RCN1: variants seen among roughly 807,000 people sequenced by gnomAD.
The protein encoded by RCN1 is reticulocalbin-1.
RCN1 carries 14 observed loss-of-function variants against 34.7 expected under a neutral mutation model. The ratio of observed to expected loss-of-function variants is 0.40; its 90% CI spans 0.27 to 0.63. The LOEUF is 0.63. Ranked by LOEUF, RCN1 falls within the 30% of genes least tolerant of loss-of-function variation. RCN1 has a pLI of 0.37. For synonymous variants in RCN1, 125 were observed against 165.5 expected (o/e 0.76, Z 1.88); for missense variants, 326 against 425.1 (o/e 0.77, Z 2.05).
At chr11:32,097,750 G>A (rs187630116) in intron 2 of RCN1, among the ~76,000 whole-genome samples, 2 of 152,162 alleles carry the variant, frequency 1.3e-5, no homozygotes, top group South Asian at 4.1e-4. Context: ...GAGCCTTGGA[G>A]AATGGATTTA....
At position 32,091,158 on chromosome 11, in the gene RCN1, G is replaced by C. The variant is rs1678474206; in HGVS notation, c.-39G>C. The C allele has an allele frequency of 2.9e-6, 4 of 1,388,916 alleles. No homozygotes were observed. The highest frequency in any genetic ancestry group is 2.7e-4 in the Middle Eastern group (1 of 3,732). The allele number at this position is 1,388,916 out of a possible 1,614,324, so 86.0% of individuals were successfully genotyped here. On this transcript the variant is annotated 5_prime_UTR_variant, in exon 1 of 6. Coordinates refer to ENST00000054950, the MANE Select transcript of RCN1 (RefSeq NM_002901.4). ...TCCCGAGCTGCCGCTGTTGTCGCTC[G>C]CTCAGCGTCTCCCTCTCGGCCGCCC...
At position 32,091,295 on chromosome 11, in the gene RCN1, G is replaced by A. The variant is rs762250805; in HGVS notation, c.99G>A (p.Val33=). The A allele has an allele frequency of 4.3e-5, 67 of 1,545,778 alleles. No individual in the cohort carries two copies. In the Middle Eastern group the frequency reaches 1.1e-3, roughly 26 times the overall value. Residue 33 remains valine, a synonymous_variant, in exon 1 of 6, where the codon GTG becomes GTA. Transcript: ENST00000054950. ...GGGTTCTGCGGGCCAAGCCCACGGT[G>A]CGCAAAGAGCGCGTGGTGCGGCCCG... ...APRVLRAKPT[V]RKERVVRPDS...
intron 3 of RCN1, 94 bp downstream of exon 3, chr11:32,098,622 GA>G: frequency 9.6e-7 from 1 of 1,037,378 alleles, no homozygotes; most frequent in Non-Finnish European, 1.4e-6. Flanking sequence ...TTTTCAGCCT[GA>G]AGGGAATTGG....
At chr11:32,100,876 C>A (rs1193163440) in intron 4 of RCN1, among the ~76,000 whole-genome samples, 2 of 152,116 alleles carry the variant, frequency 1.3e-5, no homozygotes, top group Non-Finnish European at 2.9e-5. Flanking sequence ...CTGAGAGGTG[C>A]CCTTCATCAC....
At chr11:32,102,154 G>T (rs537678991) in intron 4 of RCN1, 2 of 152,218 alleles carry the variant, frequency 1.3e-5, no homozygotes, top group South Asian at 4.2e-4. Flanking sequence ...TGTGGTGGGG[G>T]GTGGTAGTAG....
Position 32,100,623 on chromosome 11 carries a change from A to G in RCN1, c.688+15A>G. 2 of 1,610,268 alleles carry G rather than the reference A, an allele frequency of 1.2e-6. No individual in the cohort carries two copies. Among genetic ancestry groups the G allele is most frequent in the Non-Finnish European group, 1.7e-6 (2 of 1,176,684 alleles). ...TGAGTATATTGGTGAGTACTGACCT[A>G]GAGTCTTGCTCAGCTGTCCTGACTG... On this transcript the variant is annotated intron_variant, in intron 4 of 5. Coordinates refer to ENST00000054950, the MANE Select transcript of RCN1 (RefSeq NM_002901.4).
chr11:32,092,095 G>C (rs1216725828), intron 1 of RCN1, among the ~76,000 whole-genome samples: 2 of 151,892 alleles, frequency 1.3e-5, no homozygotes, highest in South Asian at 2.1e-4. Context: ...ATCACCTGAG[G>C]TCAGGAGTTC....
rs965013456 is a variant in RCN1, at chr11:32,092,115, C to T, written c.254+665C>T. Among the ~76,000 whole-genome samples, 30 of 151,844 alleles carry T rather than the reference C, an allele frequency of 2.0e-4. 1 individual carries two copies. The highest frequency in any genetic ancestry group is 1.8e-3 in the Admixed American group (27 of 15,256). ...CTGAGGTCAGGAGTTCGAGACCAGC[C>T]TGACCAAACGGCGAAATCCCGTCTC... On this transcript the variant is annotated intron_variant, in intron 1 of 5. Coordinates refer to ENST00000054950, the MANE Select transcript of RCN1 (RefSeq NM_002901.4).
chr11:32,103,195 C>T (rs924665166), intron 4 of RCN1, 86 bp from the exon 5 acceptor site: 1 of 1,231,026 alleles, frequency 8.1e-7, no homozygotes, highest in Non-Finnish European at 1.2e-6. Flanking sequence ...TTTCCTAAAG[C>T]TCAGGAGGTC....
Position 32,098,958 on chromosome 11 carries a change from C to A in RCN1, c.627+430C>A, listed in dbSNP as rs142596226. On this transcript the variant is annotated intron_variant, in intron 3 of 5. Transcript: ENST00000054950. ...GCCAGGGAATGACACATCCCCTTCA[C>A]GTATGTTCCACTGGTCCCTCCTAGA... Among the ~76,000 whole-genome samples the A allele has an allele frequency of 1.8e-4, 27 of 152,258 alleles. No homozygotes were observed. In the East Asian group the frequency reaches 3.7e-3, roughly 21 times the overall value.
intron 3 of RCN1, 143 bp from the exon 4 acceptor site, chr11:32,100,405 A>G: frequency 1.5e-6 from 1 of 657,472 alleles, no homozygotes; most frequent in Non-Finnish European, 2.7e-6. Flanking sequence ...CAGATAAAAA[A>G]CTAGTTCCCA....
intron 1 of RCN1, chr11:32,091,853 A>C (rs973561196): frequency 4.7e-6 from 1 of 211,830 alleles, no homozygotes; most frequent in Non-Finnish European, 9.2e-6. Context: ...CTGATCCCCC[A>C]CTCCCGGGGA....
rs1286457611 is a variant in RCN1, at chr11:32,104,709, G to A, written c.*237G>A. ...CCTTGGTAAATTGCAATTCTTTCTG[G>A]GGATATATTGGTACAACATGACTTA... is the stretch of plus-strand genomic sequence containing the variant. On this transcript the variant is annotated 3_prime_UTR_variant, in exon 6 of 6. Coordinates refer to ENST00000054950, the MANE Select transcript of RCN1 (RefSeq NM_002901.4). 6 of 459,538 alleles carry A rather than the reference G, an allele frequency of 1.3e-5. No individual in the cohort carries two copies. The highest frequency in any genetic ancestry group is 2.0e-5 in the African/African-American group (1 of 50,658). The allele number at this position is 459,538 out of a possible 1,614,324, so 28.5% of individuals were successfully genotyped here.
At chr11:32,098,629 A>T in intron 3 of RCN1, 101 bp downstream of exon 3, 8 of 963,450 alleles carry the variant, frequency 8.3e-6, no homozygotes, top group Non-Finnish European at 1.2e-5. Flanking sequence ...CCTGAAGGGA[A>T]TTGGAGAAGG....
At chr11:32,103,780 G>A (rs1852075822) in intron 5 of RCN1, among the ~76,000 whole-genome samples, 1 of 152,150 alleles carries the variant, frequency 6.6e-6, no homozygotes, top group Admixed American at 6.6e-5. Context: ...ACCCCGTGTT[G>A]CCCTAGGATC....
intron 1 of RCN1, among the ~76,000 whole-genome samples, chr11:32,092,813 A>G (rs1278465801): frequency 6.6e-6 from 1 of 152,210 alleles, no homozygotes; most frequent in Non-Finnish European, 1.5e-5. Context: ...CACATGAAAG[A>G]GAACACAGCC....
chr11:32,091,335 G>T lies in RCN1; in HGVS notation c.139G>T (p.Glu47Ter). 6.5e-7 allele frequency: 1 copy of T among 1,548,272 alleles called. No individual in the cohort carries two copies. The highest frequency in any genetic ancestry group is 8.7e-7 in the Non-Finnish European group (1 of 1,146,274). Reference sequence around the variant, plus strand: ...GGTGCGGCCCGACTCGGAGCTGGGCGAGCGGCCCCCTGAGGACAACCAGAG... The same window carrying T: ...GGTGCGGCCCGACTCGGAGCTGGGCTAGCGGCCCCCTGAGGACAACCAGAG... ...RVVRPDSELG[E>*]RPPEDNQSFQ... The change falls in exon 1 of 6, where the codon GAG (glutamate) becomes TAG (stop). Residue 47 changes from glutamate (E) to a stop codon, truncating the protein, a stop_gained. Coordinates refer to ENST00000054950, the MANE Select transcript of RCN1 (RefSeq NM_002901.4). LOFTEE classifies it high-confidence loss of function.
intron 1 of RCN1, among the ~76,000 whole-genome samples, chr11:32,092,645 G>A (rs1009599716): frequency 6.6e-6 from 1 of 152,204 alleles, no homozygotes; most frequent in Non-Finnish European, 1.5e-5. Flanking sequence ...GGCACTGTGC[G>A]GAGGTATCTG....
At position 32,100,613 on chromosome 11, in the gene RCN1, G is replaced by A. The variant is rs1339163762; in HGVS notation, c.688+5G>A. On this transcript the variant is annotated splice_donor_5th_base_variant and intron_variant, in intron 4 of 5. Transcript: ENST00000054950. ...TGGATCAGGATGAGTATATTGGTGAGTACTGACCTAGAGTCTTGCTCAGCT... is the reference window on the plus strand; with the variant it reads ...TGGATCAGGATGAGTATATTGGTGAATACTGACCTAGAGTCTTGCTCAGCT... 1 of 1,612,412 alleles carries A rather than the reference G, an allele frequency of 6.2e-7. No homozygotes were observed. The highest frequency in any genetic ancestry group is 8.5e-7 in the Non-Finnish European group (1 of 1,178,594).
Sources: gnomAD v4.1 joint callset for allele counts (sites outside exome capture counted in the v4.1 genomes callset) on GRCh38, gnomAD v4.1.1 for gene constraint, MANE v1.5 for transcripts, NCBI Gene and HGNC (gene_info 2026-07-23, HGNC 2026-07-21) for gene names.